The following MAP3K5 variants were observed in gnomAD, a reference collection of about 807,000 sequenced individuals.
MAP3K5 encodes mitogen-activated protein kinase kinase kinase 5.
In MAP3K5, 56 loss-of-function variants were observed where a neutral mutation model predicts 158.7. That is an observed-to-expected ratio of 0.35 (90% confidence interval 0.28 to 0.44). The LOEUF (loss-of-function observed/expected upper bound fraction) is 0.44. MAP3K5 is among the 20% of genes least tolerant of loss of function. The pLI, the probability that MAP3K5 is intolerant of heterozygous loss-of-function variation, is 1.00. For missense variants in MAP3K5, 1,294 were observed against 1,674.8 expected (o/e 0.77, Z 3.97); for synonymous variants, 579 against 601.7 (o/e 0.96, Z 0.55).
chr6:136,662,215 A>G (rs1297267845), intron 8 of MAP3K5, among the ~76,000 whole-genome samples: 2 of 152,178 alleles, frequency 1.3e-5, no homozygotes, highest in Non-Finnish European at 2.9e-5. Context: ...ATGCTGTACC[A>G]ATTTATACTT....
intron 1 of MAP3K5, among the ~76,000 whole-genome samples, chr6:136,737,533 T>C (rs2114858986): frequency 6.6e-6 from 1 of 152,316 alleles, no homozygotes; most frequent in Admixed American, 6.5e-5. Flanking sequence ...GCCCCCGCCA[T>C]GTATCACATA....
chr6:136,724,032 A>G (rs1455440816), intron 1 of MAP3K5, among the ~76,000 whole-genome samples: 1 of 152,068 alleles, frequency 6.6e-6, no homozygotes, highest in Non-Finnish European at 1.5e-5. Context: ...AGTCAATCAC[A>G]TTGCTTTAAA....
At chr6:136,670,947 A>G (rs1449504504) in intron 7 of MAP3K5, among the ~76,000 whole-genome samples, 1 of 152,182 alleles carries the variant, frequency 6.6e-6, no homozygotes, top group Non-Finnish European at 1.5e-5. Context: ...ATACACCTAG[A>G]CTACAGATAT....
At chr6:136,772,551 C>A (rs1451479370) in intron 1 of MAP3K5, among the ~76,000 whole-genome samples, 1 of 152,012 alleles carries the variant, frequency 6.6e-6, no homozygotes, top group Non-Finnish European at 1.5e-5. Context: ...AGTAGTGAGA[C>A]AATGCAGGTT....
chr6:136,592,625 T>A lies in MAP3K5; in HGVS notation c.2879-11A>T, dbSNP rs766508465. The A allele has an allele frequency of 9.9e-6, 16 of 1,610,056 alleles. No individual in the cohort carries two copies. In the Admixed American group the frequency reaches 2.0e-4, roughly 20 times the overall value. ...TACTCCTGAGATATTCTGCTTGTGATGAGAGGAGGGAAAAGATAATTGACA... is the reference window on the plus strand; with the variant it reads ...TACTCCTGAGATATTCTGCTTGTGAAGAGAGGAGGGAAAAGATAATTGACA... On this transcript the variant is annotated splice_polypyrimidine_tract_variant and intron_variant, in intron 21 of 29. Coordinates refer to ENST00000359015, the MANE Select transcript of MAP3K5 (RefSeq NM_005923.4).
chr6:136,614,035 A>C, intron 16 of MAP3K5, 124 bp downstream of exon 16: 1 of 984,232 alleles, frequency 1.0e-6, no homozygotes, highest in East Asian at 2.5e-5. Context: ...AGGTAATGTC[A>C]CATGTCCAAT....
At chr6:136,719,399 C>G (rs1341929118) in intron 2 of MAP3K5, among the ~76,000 whole-genome samples, 1 of 151,958 alleles carries the variant, frequency 6.6e-6, no homozygotes, top group East Asian at 1.9e-4. Flanking sequence ...TAAAGGATTG[C>G]TCTAGGATAA....
chr6:136,638,671 TC>T (rs1451723575), intron 13 of MAP3K5, among the ~76,000 whole-genome samples: 1 of 151,136 alleles, frequency 6.6e-6, no homozygotes, highest in East Asian at 2.0e-4. Context: ...TGTTTTTTTT[TC>T]CCCCACCATA....
At chr6:136,605,159 C>A (rs1259398373) in intron 19 of MAP3K5, 50 bp downstream of exon 19, 14 of 1,574,642 alleles carry the variant, frequency 8.9e-6, no homozygotes, top group Non-Finnish European at 1.2e-5. Context: ...GAACATCCAA[C>A]AGCTATAAAA....
At chr6:136,759,482 A>ATATATAT (rs1420942856) in intron 1 of MAP3K5, among the ~76,000 whole-genome samples, 17 of 141,966 alleles carry the variant, frequency 1.2e-4, no homozygotes, top group South Asian at 6.5e-4. Context: ...ATATATATAT[A>ATATATAT]AAGTTTGAGA....
At chr6:136,611,465 TAAA>T in intron 17 of MAP3K5, 78 bp from the exon 18 acceptor site, 3 of 588,142 alleles carry the variant, frequency 5.1e-6, no homozygotes, top group Non-Finnish European at 5.9e-6. Context: ...AAGTCCAATT[TAAA>T]AAAAAAAAAG....
upstream of MAP3K5, among the ~76,000 whole-genome samples, chr6:136,792,731 T>A (rs191122707): frequency 5.0e-3 from 762 of 152,304 alleles, 4 homozygotes; most frequent in African/African-American, 0.013. This position sits in a 1 kb window ranked among gnomAD's most constrained non-coding sequence, Gnocchi z 5.7. Context: ...AGGCGGCAGC[T>A]CGCCTTCATC....
At chr6:136,636,135 T>C (rs1473068260) in intron 14 of MAP3K5, among the ~76,000 whole-genome samples, 1 of 152,118 alleles carries the variant, frequency 6.6e-6, no homozygotes, top group African/African-American at 2.4e-5. Context: ...GTTGAAATCA[T>C]ACCCCAAGGT....
upstream of MAP3K5, among the ~76,000 whole-genome samples, chr6:136,792,809 G>A (rs1405524397): frequency 6.6e-6 from 1 of 152,150 alleles, no homozygotes; most frequent in African/African-American, 2.4e-5. The surrounding 1 kb of genome is among the most constrained non-coding windows in gnomAD (Gnocchi z 5.7). Context: ...TGGTCCCGGC[G>A]CCAGCCTCGT....
intron 28 of MAP3K5, among the ~76,000 whole-genome samples, 188 bp downstream of exon 28, chr6:136,561,345 T>C (rs1374770405): frequency 6.6e-6 from 1 of 152,210 alleles, no homozygotes; most frequent in African/African-American, 2.4e-5. Context: ...AATTTACCAG[T>C]GTAGAATCAC....
At position 136,638,128 on chromosome 6, in the gene MAP3K5, C is replaced by T. The variant is rs138459654; in HGVS notation, c.1935-722G>A. 4.2e-3 allele frequency among the ~76,000 whole-genome samples: 641 copies of T among 152,088 alleles called. 1 individual carries two copies. The highest frequency in any genetic ancestry group is 7.4e-3 in the Non-Finnish European group (501 of 67,986). ...CATGACAAGAAAAAAAATTCCCAAGCCTGATTGGAATAACAGTTTGCGCTA... is the reference window on the plus strand; with the variant it reads ...CATGACAAGAAAAAAAATTCCCAAGTCTGATTGGAATAACAGTTTGCGCTA... On this transcript the variant is annotated intron_variant, in intron 13 of 29. Coordinates refer to ENST00000359015, the MANE Select transcript of MAP3K5 (RefSeq NM_005923.4).
chr6:136,641,683 G>A (rs1477379566), intron 12 of MAP3K5, among the ~76,000 whole-genome samples: 6 of 149,830 alleles, frequency 4.0e-5, no homozygotes, highest in Non-Finnish European at 8.9e-5. Context: ...CTTATCATCT[G>A]AAGTCATTAG....
intron 13 of MAP3K5, among the ~76,000 whole-genome samples, chr6:136,639,291 A>G (rs1174902893): frequency 6.6e-6 from 1 of 152,176 alleles, no homozygotes; most frequent in Non-Finnish European, 1.5e-5. Context: ...TTAACAATTA[A>G]CCAATAAGTC....
chr6:136,695,063 G>C (rs897659526), intron 6 of MAP3K5, among the ~76,000 whole-genome samples: 11 of 152,054 alleles, frequency 7.2e-5, no homozygotes. Context: ...AAATGGAAGG[G>C]GGGCTGCTAA....
Sources: gnomAD v4.1 joint callset for allele counts (sites outside exome capture counted in the v4.1 genomes callset) on GRCh38, gnomAD v4.1.1 for gene constraint, Gnocchi (gnomAD v3.1) non-coding constraint, MANE v1.5 for transcripts, NCBI Gene and HGNC (gene_info 2026-07-23, HGNC 2026-07-21) for gene names.